The following PTCHD1 variants were observed in gnomAD, a reference collection of about 807,000 sequenced individuals.
The protein encoded by PTCHD1 is patched domain containing 1, also known as patched domain-containing protein 1.
In PTCHD1, 3 loss-of-function variants were observed where a neutral mutation model predicts 34.6. That is an observed-to-expected ratio of 0.09 (90% confidence interval 0.04 to 0.22). The LOEUF is 0.22. Among genes scored for constraint, PTCHD1 ranks in the 10% least tolerant of loss-of-function variants. The pLI, the probability that PTCHD1 is intolerant of heterozygous loss-of-function variation, is 1.00. For missense variants in PTCHD1, 504 were observed against 685.5 expected, an observed-to-expected ratio of 0.74 and a Z score of 2.96; for synonymous variants, 305 against 283.1, an observed-to-expected ratio of 1.08 and a Z score of -0.77.
At chrX:23,339,156 TCAGA>T (rs1569131396) in intron 1 of PTCHD1, among the ~76,000 whole-genome samples, 2 of 112,169 alleles carry the variant, frequency 1.8e-5, no homozygotes, top group Non-Finnish European at 3.8e-5. Flanking sequence ...CCTAGTTTAC[TCAGA>T]CATTTATGTG....
intron 2 of PTCHD1, among the ~76,000 whole-genome samples, chrX:23,381,809 A>C (rs747295664): frequency 8.9e-6 from 1 of 112,172 alleles, no homozygotes; most frequent in African/African-American, 3.2e-5. Context: ...TTAAGAAAGC[A>C]GCATAACCTG....
intron 1 of PTCHD1, among the ~76,000 whole-genome samples, chrX:23,366,887 T>C (rs1433555993): frequency 9.2e-6 from 1 of 108,220 alleles, no homozygotes; most frequent in African/African-American, 3.4e-5. Flanking sequence ...CTTATTCTAT[T>C]GCACACTCAC....
chrX:23,353,646 G>A (rs974683357), intron 1 of PTCHD1, among the ~76,000 whole-genome samples: 1 of 111,562 alleles, frequency 9.0e-6, no homozygotes, highest in Non-Finnish European at 1.9e-5. Context: ...TCCTACCTAA[G>A]ATGAAGAGCA....
chrX:23,366,009 A>C (rs933533601), intron 1 of PTCHD1, among the ~76,000 whole-genome samples: 6 of 112,333 alleles, frequency 5.3e-5, no homozygotes, highest in African/African-American at 1.6e-4. Flanking sequence ...TTAAGACCCA[A>C]ACCTGGGAAA....
intron 1 of PTCHD1, among the ~76,000 whole-genome samples, chrX:23,353,608 A>C (rs866185735): frequency 0.017 from 1,582 of 94,133 alleles, 20 homozygotes; most frequent in Middle Eastern, 0.053. Context: ...ACAAAACAAA[A>C]CAAAAAAAAA....
chrX:23,342,294 ATATATATATATATATATTTTTTT>A (rs1276487827), intron 1 of PTCHD1, among the ~76,000 whole-genome samples: 347 of 7,814 alleles, frequency 0.044, 5 homozygotes, highest in African/African-American at 0.27. Flanking sequence ...ATATATATAT[ATATATATATATATATATTTTTTT>A]TTTTTTTTTT....
At chrX:23,370,353 G>A (rs1244150364) in intron 1 of PTCHD1, among the ~76,000 whole-genome samples, 1 of 111,839 alleles carries the variant, frequency 8.9e-6, no homozygotes, top group Non-Finnish European at 1.9e-5. Context: ...CGAGGCCTTT[G>A]CAAGCCGAGT....
upstream of PTCHD1, chrX:23,334,539 G>T (rs1921092056): frequency 9.2e-6 from 1 of 108,235 alleles, no homozygotes; most frequent in Admixed American, 9.5e-5. Flanking sequence ...CGCGCGGCGC[G>T]GAGCCCCCCT....
chrX:23,366,347 C>A (rs1922139920), intron 1 of PTCHD1, among the ~76,000 whole-genome samples: 2 of 112,067 alleles, frequency 1.8e-5, no homozygotes, highest in African/African-American at 6.5e-5. Flanking sequence ...TCGCAGTTGC[C>A]CACAGGACAA....
chrX:23,340,694 G>A (rs773321826), intron 1 of PTCHD1, among the ~76,000 whole-genome samples: 2 of 112,083 alleles, frequency 1.8e-5, no homozygotes, highest in African/African-American at 6.5e-5. Context: ...GGTTTAGAAG[G>A]CACCTTAAAG....
At chrX:23,365,650 GTATT>G (rs1224934912) in intron 1 of PTCHD1, among the ~76,000 whole-genome samples, 1 of 111,786 alleles carries the variant, frequency 8.9e-6, no homozygotes, top group African/African-American at 3.3e-5. Context: ...AGGGAGCTGG[GTATT>G]TATAGGCCAA....
intron 2 of PTCHD1, among the ~76,000 whole-genome samples, chrX:23,390,346 CA>C (rs1164988827): frequency 1.0e-5 from 1 of 96,297 alleles, no homozygotes. Context: ...AAAAAAAAAA[CA>C]AAAAAAACAA....
chrX:23,346,541 A>G (rs1202574886), intron 1 of PTCHD1, among the ~76,000 whole-genome samples: 3 of 112,209 alleles, frequency 2.7e-5, no homozygotes, highest in Admixed American at 9.4e-5. Flanking sequence ...GAGATGAATA[A>G]TTTAGTCAGA....
chrX:23,377,617 TG>T (rs2146640226), intron 1 of PTCHD1, among the ~76,000 whole-genome samples: 2 of 108,946 alleles, frequency 1.8e-5, no homozygotes, highest in South Asian at 8.1e-4. Context: ...TGTGTGTGTG[TG>T]TTTACATATT....
chrX:23,371,894 T>C (rs1483655767), intron 1 of PTCHD1, among the ~76,000 whole-genome samples: 2 of 111,595 alleles, frequency 1.8e-5, no homozygotes, highest in East Asian at 2.8e-4. Flanking sequence ...ACACTCATCA[T>C]CTCATTTGGC....
chrX:23,376,179 T>C (rs1275783261), intron 1 of PTCHD1, among the ~76,000 whole-genome samples: 2 of 112,437 alleles, frequency 1.8e-5, no homozygotes, highest in Admixed American at 9.4e-5. Flanking sequence ...TGAGTACCTG[T>C]TGAATGTGTG....
chrX:23,355,037 AG>A (rs752616519), intron 1 of PTCHD1, among the ~76,000 whole-genome samples: 16 of 31,471 alleles, frequency 5.1e-4, no homozygotes, highest in South Asian at 4.5e-3. Flanking sequence ...TTTTGGGGGG[AG>A]GGGGGAGGGA....
At chrX:23,351,936 G>A (rs1921646873) in intron 1 of PTCHD1, among the ~76,000 whole-genome samples, 1 of 112,105 alleles carries the variant, frequency 8.9e-6, no homozygotes, top group Non-Finnish European at 1.9e-5. Context: ...AGGTGGAAAG[G>A]ACATGGGGTT....
intron 1 of PTCHD1, chrX:23,350,983 T>A (rs2146616546): frequency 4.7e-5 from 11 of 235,184 alleles, no homozygotes; most frequent in East Asian, 1.4e-4. Flanking sequence ...CCCATGAAAA[T>A]GGAATCCATA....
Sources: gnomAD v4.1 joint callset for allele counts (sites outside exome capture counted in the v4.1 genomes callset) on GRCh38, gnomAD v4.1.1 for gene constraint, MANE v1.5 for transcripts, NCBI Gene and HGNC (gene_info 2026-07-23, HGNC 2026-07-21) for gene names.